XXYLT1: variants seen among roughly 807,000 people sequenced by gnomAD.
The protein encoded by XXYLT1 is UDP-xylose:alpha-xyloside alpha-1,3-xylosyltransferase.
XXYLT1 carries 20 observed loss-of-function variants against 28.9 expected under a neutral mutation model. The ratio of observed to expected loss-of-function variants is 0.69; its 90% CI spans 0.49 to 1.00. XXYLT1 has a LOEUF of 1.00. Among genes scored for constraint, XXYLT1 ranks in the 50% least tolerant of loss-of-function variants. XXYLT1 has a pLI of 0.00. For synonymous variants in XXYLT1, 257 were observed against 253.8 expected (o/e 1.01, Z -0.12); for missense variants, 542 against 560.1 (o/e 0.97, Z 0.33).
At chr3:195,252,875 G>GGGCGGCGA (rs1271555534) in intron 1 of XXYLT1, among the ~76,000 whole-genome samples, 1 of 152,200 alleles carries the variant, frequency 6.6e-6, no homozygotes, top group Non-Finnish European at 1.5e-5. Flanking sequence ...GACAGGGCAG[G>GGGCGGCGA]GGCGGCGAGG....
intron 3 of XXYLT1, among the ~76,000 whole-genome samples, chr3:195,095,004 G>A (rs111821533): frequency 2.6e-5 from 4 of 152,192 alleles, no homozygotes; most frequent in African/African-American, 4.8e-5. Context: ...ATGTGTGTCC[G>A]GGATCTGGTT....
intron 3 of XXYLT1, among the ~76,000 whole-genome samples, chr3:195,104,052 G>A (rs1180796237): frequency 1.3e-5 from 2 of 152,180 alleles, no homozygotes; most frequent in Non-Finnish European, 2.9e-5. Flanking sequence ...CGCCTTTTTA[G>A]ACATTACATA....
At chr3:195,104,910 C>T (rs1046671022) in intron 3 of XXYLT1, among the ~76,000 whole-genome samples, 3 of 152,172 alleles carry the variant, frequency 2.0e-5, no homozygotes, top group Admixed American at 2.0e-4. Context: ...TTCTTTGATT[C>T]GCAAGTCTAG....
intron 3 of XXYLT1, among the ~76,000 whole-genome samples, chr3:195,125,259 G>A (rs1204145663): frequency 6.6e-6 from 1 of 152,240 alleles, no homozygotes; most frequent in Non-Finnish European, 1.5e-5. Context: ...TTCAGCTAGG[G>A]GCCTGGACAT....
intron 1 of XXYLT1, among the ~76,000 whole-genome samples, chr3:195,247,490 C>T (rs1037750679): frequency 3.3e-5 from 5 of 152,240 alleles, no homozygotes; most frequent in Admixed American, 1.3e-4. Context: ...CCCCATCTTC[C>T]GCACCTCACC....
intron 2 of XXYLT1, among the ~76,000 whole-genome samples, chr3:195,215,205 C>T (rs9713418): frequency 0.029 from 4,425 of 150,038 alleles, 112 homozygotes; most frequent in East Asian, 0.098. Flanking sequence ...CGGTACCAGC[C>T]GCTGCAAAAT....
intron 3 of XXYLT1, among the ~76,000 whole-genome samples, chr3:195,126,433 G>A (rs77828774): frequency 1.3e-5 from 2 of 152,170 alleles, no homozygotes; most frequent in Admixed American, 6.5e-5. Flanking sequence ...CCAAATATTT[G>A]CTGGGACTGT....
At chr3:195,227,329 C>T (rs979708985) in intron 1 of XXYLT1, among the ~76,000 whole-genome samples, 5 of 152,190 alleles carry the variant, frequency 3.3e-5, no homozygotes, top group East Asian at 1.9e-4. Context: ...CAGTCCGATG[C>T]TCCAGCTCTA....
chr3:195,260,821 A>G (rs1725674452), intron 1 of XXYLT1, among the ~76,000 whole-genome samples: 1 of 152,054 alleles, frequency 6.6e-6, no homozygotes, highest in Non-Finnish European at 1.5e-5. Context: ...TCCTGTTCCG[A>G]TGTTTGGCGA....
In XXYLT1 at chr3:195,143,861, T is replaced by G. The variant is rs1304169017; in HGVS notation, c.785+12588A>C. 1.6e-4 allele frequency among the ~76,000 whole-genome samples: 16 copies of G among 100,898 alleles called. 2 individuals are homozygous for G. Among genetic ancestry groups the G allele is most frequent in the Non-Finnish European group, 2.5e-4 (13 of 51,274 alleles). 66.2% of individuals were successfully genotyped at this position (100,898 alleles called of 152,430 possible). On this transcript the variant is annotated intron_variant, in intron 3 of 3. Transcript: ENST00000310380. The stretch of plus-strand genomic sequence containing the variant: ...AGATATAGATATATATATAGATATA[T>G]ATAGATATAGATATATATATATATA...
intron 2 of XXYLT1, among the ~76,000 whole-genome samples, chr3:195,190,118 A>T (rs1189090096): frequency 5.3e-5 from 8 of 152,180 alleles, no homozygotes; most frequent in African/African-American, 1.7e-4. Context: ...TAGCAAAACA[A>T]TTCTTCAAAA....
chr3:195,227,660 C>T (rs966719645), intron 1 of XXYLT1, among the ~76,000 whole-genome samples: 5 of 152,150 alleles, frequency 3.3e-5, no homozygotes, highest in Admixed American at 1.3e-4. Flanking sequence ...CAAATAAGGA[C>T]GCAGACACTC....
rs563961811 is a variant in XXYLT1, at chr3:195,238,471, G to A, written c.505-11615C>T. Among the ~76,000 whole-genome samples the A allele has an allele frequency of 3.9e-5, 6 of 152,312 alleles. No homozygotes were observed. The South Asian group carries it at 6.2e-4, about 16-fold the overall frequency. The stretch of plus-strand genomic sequence containing the variant: ...GGGGCACTCCTCGTAGGCAGAGGCC[G>A]TGACTGCTCTGTGCCCTGTATCCAG... On this transcript the variant is annotated intron_variant, in intron 1 of 3. Coordinates refer to ENST00000310380, the MANE Select transcript of XXYLT1 (RefSeq NM_152531.5).
chr3:195,182,056 ATATT>A (rs1286282730), intron 2 of XXYLT1, among the ~76,000 whole-genome samples: 3 of 152,216 alleles, frequency 2.0e-5, no homozygotes, highest in South Asian at 4.1e-4. Context: ...TGTGAAGGGC[ATATT>A]TACTCATTCA....
At chr3:195,102,852 T>C (rs537101856) in intron 3 of XXYLT1, among the ~76,000 whole-genome samples, 12 of 152,336 alleles carry the variant, frequency 7.9e-5, no homozygotes, top group Admixed American at 2.6e-4. Flanking sequence ...CTGAGTCATA[T>C]AGTAGTTCTA....
intron 2 of XXYLT1, among the ~76,000 whole-genome samples, chr3:195,163,772 G>A (rs147964958): frequency 6.6e-6 from 1 of 152,196 alleles, no homozygotes; most frequent in Non-Finnish European, 1.5e-5. Context: ...AGACCCAGAC[G>A]ACTTCTGCTT....
At chr3:195,149,202 T>C (rs773299505) in intron 3 of XXYLT1, among the ~76,000 whole-genome samples, 9 of 152,140 alleles carry the variant, frequency 5.9e-5, no homozygotes, top group Non-Finnish European at 8.8e-5. Flanking sequence ...AGAGAGTTTA[T>C]TTACATATAC....
intron 3 of XXYLT1, among the ~76,000 whole-genome samples, chr3:195,134,192 C>G (rs1560112042): frequency 6.6e-6 from 1 of 152,158 alleles, no homozygotes; most frequent in African/African-American, 2.4e-5. Flanking sequence ...CTGCAGTAAG[C>G]TCAGGTTAAT....
rs1357946804 is a variant in XXYLT1, at chr3:195,240,676, C to T, written c.505-13820G>A. ...GAGGCCAAGGGTTCACCCATCTCCT[C>T]CCCATGCGCCGCCAGAGACCATCCC... On this transcript the variant is annotated intron_variant, in intron 1 of 3. Transcript: ENST00000310380. The surrounding 1 kb of genome is among the most constrained non-coding windows in gnomAD (Gnocchi z 4.7). Among the ~76,000 whole-genome samples the T allele has an allele frequency of 6.6e-6, 1 of 152,240 alleles. No individual in the cohort carries two copies. The highest frequency in any genetic ancestry group is 1.5e-5 in the Non-Finnish European group (1 of 68,046).
Sources: allele counts gnomAD v4.1 joint callset (sites outside exome capture counted in the v4.1 genomes callset), GRCh38; gene constraint gnomAD v4.1.1; non-coding constraint Gnocchi (gnomAD v3.1); transcripts MANE v1.5; gene names NCBI Gene and HGNC (gene_info 2026-07-23, HGNC 2026-07-21).